The following ACCSL variants were observed in gnomAD, a reference collection of about 807,000 sequenced individuals.
ACCSL encodes probable inactive 1-aminocyclopropane-1-carboxylate synthase-like protein 2.
ACCSL carries 55 observed loss-of-function variants against 61.7 expected under a neutral mutation model. The observed-to-expected ratio is 0.89, with a 90% CI of 0.72 to 1.12. The LOEUF (loss-of-function observed/expected upper bound fraction) is 1.12, where lower values mean the gene tolerates loss of function less well. Ranked by LOEUF, ACCSL falls within the 50% of genes most tolerant of loss-of-function variation. ACCSL has a pLI of 0.00. For missense variants in ACCSL, 632 were observed against 698.0 expected, an observed-to-expected ratio of 0.91 and a Z score of 1.07; for synonymous variants, 258 against 264.3, an observed-to-expected ratio of 0.98 and a Z score of 0.23.
rs972925016 is a variant in ACCSL at position 44,058,717 on chromosome 11, C to T, written c.1624+18C>T. ...AAAATTGGGTGAGTGGAGCTGACCT[C>T]CCAATCCTTTAAAGACGCCCCATCA... is the stretch of plus-strand genomic sequence containing the variant. On this transcript the variant is annotated intron_variant, in intron 13 of 13. Transcript: ENST00000378832. The T allele has an allele frequency of 1.3e-6, 2 of 1,598,384 alleles. No homozygotes were observed. Among genetic ancestry groups the T allele is most frequent in the African/African-American group, 2.7e-5 (2 of 74,408 alleles).
At chr11:43,959,204 C>T in the ACCSL span, among the ~76,000 whole-genome samples, 19 of 152,248 alleles carry the variant, frequency 1.2e-4, 1 homozygote, top group Admixed American at 3.3e-4. Context: ...ATGGGCGAGC[C>T]GGCGATGCAC....
the ACCSL span, among the ~76,000 whole-genome samples, chr11:43,982,615 C>G: frequency 6.6e-6 from 1 of 152,160 alleles, no homozygotes; most frequent in Non-Finnish European, 1.5e-5. Context: ...GCGGATGTGT[C>G]TGCTGAGCAC....
chr11:44,005,890 C>A, the ACCSL span, among the ~76,000 whole-genome samples: 1 of 152,204 alleles, frequency 6.6e-6, no homozygotes. Context: ...TGCTAAGTGG[C>A]AGAAGCTGGA....
chr11:44,049,599 T>C (rs935600077), intron 1 of ACCSL, among the ~76,000 whole-genome samples: 2 of 152,006 alleles, frequency 1.3e-5, no homozygotes, highest in African/African-American at 4.8e-5. Flanking sequence ...TAGAAGGCCC[T>C]AATGTGTAAG....
chr11:44,052,887 G>T (rs1191312661), intron 6 of ACCSL, 104 bp from the exon 7 acceptor site: 9 of 1,444,788 alleles, frequency 6.2e-6, no homozygotes, highest in Non-Finnish European at 8.8e-6. Context: ...AAGGCATGTG[G>T]ACTGGCACTC....
At chr11:43,956,073 G>C in the ACCSL span, among the ~76,000 whole-genome samples, 1 of 144,756 alleles carries the variant, frequency 6.9e-6, no homozygotes, top group African/African-American at 2.6e-5. Context: ...GCAGCCACAT[G>C]ATGAAAGAAG....
chr11:44,014,990 G>T, the ACCSL span, among the ~76,000 whole-genome samples: 2 of 152,200 alleles, frequency 1.3e-5, no homozygotes. Flanking sequence ...GGGATGTGAT[G>T]ATACACATGC....
upstream of ACCSL, chr11:44,047,952 G>A: frequency 6.7e-7 from 1 of 1,500,926 alleles, no homozygotes; most frequent in Non-Finnish European, 8.9e-7. Flanking sequence ...GAGGGTCCAG[G>A]AGATCCTCCT....
chr11:44,059,969 C>G lies in ACCSL; in HGVS notation c.*49C>G, dbSNP rs147480283. On this transcript the variant is annotated 3_prime_UTR_variant, in exon 14 of 14. Coordinates refer to ENST00000378832, the MANE Select transcript of ACCSL (RefSeq NM_001031854.2). ...TTCCAGCCCATCACTTGCTCAGGGACCCCCTAATGTCAGCCTCTGGCCCAG... is the reference window on the plus strand; with the variant it reads ...TTCCAGCCCATCACTTGCTCAGGGAGCCCCTAATGTCAGCCTCTGGCCCAG... 5.8e-6 allele frequency: 9 copies of G among 1,557,308 alleles called. No individual in the cohort carries two copies. In the East Asian group the frequency reaches 1.8e-4, roughly 31 times the overall value.
the ACCSL span, among the ~76,000 whole-genome samples, chr11:43,955,838 C>A: frequency 1.3e-5 from 2 of 151,864 alleles, no homozygotes; most frequent in Non-Finnish European, 2.9e-5. Context: ...TTCCTCCTAG[C>A]CTGGTGGGCT....
At chr11:43,959,109 C>T in the ACCSL span, among the ~76,000 whole-genome samples, 1 of 152,134 alleles carries the variant, frequency 6.6e-6, no homozygotes, top group African/African-American at 2.4e-5. Flanking sequence ...CTTTTCATAC[C>T]ACCACAGTGG....
the ACCSL span, among the ~76,000 whole-genome samples, chr11:43,972,435 T>G: frequency 6.6e-6 from 1 of 152,222 alleles, no homozygotes; most frequent in East Asian, 1.9e-4. Context: ...GGTATTTGGA[T>G]TCCTAATACT....
the ACCSL span, among the ~76,000 whole-genome samples, chr11:43,982,712 C>T: frequency 6.6e-6 from 1 of 152,144 alleles, no homozygotes; most frequent in Non-Finnish European, 1.5e-5. Flanking sequence ...GGGTCCAGGG[C>T]TCTGGTCCCG....
the ACCSL span, among the ~76,000 whole-genome samples, chr11:43,959,543 T>C: frequency 6.6e-6 from 1 of 152,148 alleles, no homozygotes; most frequent in Non-Finnish European, 1.5e-5. Flanking sequence ...CTGTCAGCAG[T>C]GGGGGATGGG....
the ACCSL span, chr11:43,942,513 G>T: frequency 4.7e-5 from 11 of 232,394 alleles, no homozygotes; most frequent in Admixed American, 2.4e-4. Flanking sequence ...CCAGAGCGGC[G>T]GGGCGACGTC....
chr11:44,029,333 T>C, the ACCSL span, among the ~76,000 whole-genome samples: 2 of 152,260 alleles, frequency 1.3e-5, no homozygotes, highest in African/African-American at 2.4e-5. Context: ...CCTTTGCCCT[T>C]GCTGTTGCCC....
chr11:44,052,050 T>C (rs766029976), intron 5 of ACCSL, among the ~76,000 whole-genome samples: 24 of 152,210 alleles, frequency 1.6e-4, no homozygotes, highest in African/African-American at 3.9e-4. Context: ...ACAATATAGA[T>C]TTCTTATCTC....
the ACCSL span, among the ~76,000 whole-genome samples, chr11:43,997,765 C>T: frequency 6.6e-6 from 1 of 152,110 alleles, no homozygotes; most frequent in East Asian, 1.9e-4. Flanking sequence ...CTTTGTTTAC[C>T]CCACATTAGA....
At chr11:44,014,795 A>G in the ACCSL span, among the ~76,000 whole-genome samples, 2 of 152,224 alleles carry the variant, frequency 1.3e-5, no homozygotes, top group Non-Finnish European at 2.9e-5. Flanking sequence ...TGAGTCCTGC[A>G]GTACAGCAGA....
Sources: gnomAD v4.1 joint callset for allele counts (sites outside exome capture counted in the v4.1 genomes callset) on GRCh38, gnomAD v4.1.1 for gene constraint, MANE v1.5 for transcripts, NCBI Gene and HGNC (gene_info 2026-07-23, HGNC 2026-07-21) for gene names.